The following CFAP251 variants were observed in gnomAD, a reference collection of about 807,000 sequenced individuals.
The protein encoded by CFAP251 is cilia and flagella associated protein 251.
Under a neutral mutation model 126.7 loss-of-function variants are expected in CFAP251, and 93 were observed. The ratio of observed to expected loss-of-function variants is 0.73; its 90% CI spans 0.62 to 0.87. The LOEUF (loss-of-function observed/expected upper bound fraction) is 0.87, where lower values mean the gene tolerates loss of function less well. Among genes scored for constraint, CFAP251 ranks in the 40% least tolerant of loss-of-function variants. The probability of loss-of-function intolerance (pLI) is 0.00; values close to 1 mark genes in which losing one functional copy is unlikely to be tolerated. For missense variants in CFAP251, 1,287 were observed against 1,389.2 expected (o/e 0.93, Z 1.17); for synonymous variants, 503 against 506.9 (o/e 0.99, Z 0.10).
At chr12:121,948,357 G>C (rs1592977843) in intron 7 of CFAP251, 4 of 152,238 alleles carry the variant, frequency 2.6e-5, no homozygotes, top group African/African-American at 9.6e-5. Flanking sequence ...GGTGAATACT[G>C]GTTTACTTTT....
intron 1 of CFAP251, among the ~76,000 whole-genome samples, chr12:121,920,222 CTTTTTT>C (rs1161902952): frequency 1.7e-5 from 1 of 57,910 alleles, no homozygotes. Flanking sequence ...ACAAATGTGA[CTTTTTT>C]TTTTTTTTTT....
intron 15 of CFAP251, among the ~76,000 whole-genome samples, chr12:121,966,506 C>G (rs1170717196): frequency 4.7e-5 from 6 of 127,454 alleles, no homozygotes; most frequent in African/African-American, 1.8e-4. Flanking sequence ...CTCCTGACCT[C>G]AGTTGATCCA....
rs376792227 is a variant in CFAP251, at chr12:121,957,164, C to T, written c.1626C>T (p.Gly542=). ...ACTGGTACAGTCACTTGAAACTGGG[C>T]GCCATAAGAACTCTGTCCTTTTCAA... The part of the protein sequence containing the change: ...IVNWYSHLKL[G]AIRTLSFSKT... The change falls in exon 11 of 22, where the codon GGC becomes GGT. Residue 542 remains glycine (G), a synonymous_variant. Transcript: ENST00000288912. The T allele has an allele frequency of 7.4e-5, 120 of 1,613,910 alleles. No homozygotes were observed. Among genetic ancestry groups the T allele is most frequent in the Non-Finnish European group, 9.2e-5 (109 of 1,179,982 alleles).
At chr12:121,992,979 C>G (rs1410774280) in intron 19 of CFAP251, among the ~76,000 whole-genome samples, 3 of 143,736 alleles carry the variant, frequency 2.1e-5, no homozygotes, top group Admixed American at 6.9e-5. Flanking sequence ...CTCTCCCTCT[C>G]CGTCTCCCTC....
chr12:121,971,878 T>TC (rs1235303778), intron 17 of CFAP251: 5 of 426,934 alleles, frequency 1.2e-5, no homozygotes, highest in African/African-American at 6.1e-5. Context: ...GGGGGTGGTT[T>TC]CCCCCATGTT....
rs1010523687 is a variant in CFAP251 at position 121,918,921 on chromosome 12, G to A, written c.-21+226G>A. On this transcript the variant is annotated intron_variant, in intron 1 of 21. Coordinates refer to ENST00000288912, the MANE Select transcript of CFAP251 (RefSeq NM_144668.6). This position sits in a 1 kb window ranked among gnomAD's most constrained non-coding sequence, Gnocchi z 4.3. ...CCCCTGCCCCAAACCCCTGCGGCTC[G>A]AACCCGGCTGTCCAGACGCGCCGGC... 2.0e-5 allele frequency among the ~76,000 whole-genome samples: 3 copies of A among 152,036 alleles called. No individual in the cohort carries two copies. Among genetic ancestry groups the A allele is most frequent in the Non-Finnish European group, 4.4e-5 (3 of 67,964 alleles).
At position 121,958,462 on chromosome 12, in the gene CFAP251, C is replaced by A. The variant is rs762945575; in HGVS notation, c.1921C>A (p.Leu641Ile). ...GTGGAATTATGAAAACAAACAATATCTTTTCAGCAGGGTTTTTGAGAAGGG... is the reference window on the plus strand; with the variant it reads ...GTGGAATTATGAAAACAAACAATATATTTTCAGCAGGGTTTTTGAGAAGGG... ...KVWNYENKQY[L>I]FSRVFEKGLG... is the part of the protein sequence containing the mutation. The change falls in exon 12 of 22, where the codon CTT (leucine) becomes ATT (isoleucine). Residue 641 changes from leucine to isoleucine, a missense_variant. Coordinates refer to ENST00000288912, the MANE Select transcript of CFAP251 (RefSeq NM_144668.6). 1.9e-6 allele frequency: 3 copies of A among 1,614,232 alleles called. No homozygotes were observed. The East Asian group carries it at 6.7e-5, about 36-fold the overall frequency.
intron 5 of CFAP251, among the ~76,000 whole-genome samples, chr12:121,941,990 C>G (rs1881136492): frequency 6.6e-6 from 1 of 152,190 alleles, no homozygotes; most frequent in Non-Finnish European, 1.5e-5. Context: ...CAGGCACAAC[C>G]TGGCACAGAA....
intron 17 of CFAP251, chr12:121,969,335 G>C (rs1232436217): frequency 1.0e-6 from 1 of 985,386 alleles, no homozygotes; most frequent in African/African-American, 1.7e-5. Flanking sequence ...GCAGATCTTG[G>C]GAACTTGAGG....
intron 3 of CFAP251, 38 bp from the exon 4 acceptor site, chr12:121,931,708 C>A (rs368241268): frequency 1.3e-6 from 2 of 1,492,722 alleles, no homozygotes; most frequent in East Asian, 2.5e-5. Flanking sequence ...GGGCTGAACA[C>A]GCTGTAATGT....
intron 5 of CFAP251, among the ~76,000 whole-genome samples, chr12:121,942,203 A>G (rs1178915816): frequency 6.6e-6 from 1 of 152,038 alleles, no homozygotes; most frequent in East Asian, 1.9e-4. Flanking sequence ...TCCAGTTCCA[A>G]AACATTTTCA....
Position 121,954,266 on chromosome 12 carries a change from C to T in CFAP251, c.1467C>T (p.Pro489=), listed in dbSNP as rs768846689. The change falls in exon 10 of 22, where the codon CCC becomes CCT. Residue 489 remains proline (P), a synonymous_variant. Transcript: ENST00000288912. ...CTGCCTCCACCTTTTTGGGCTTTCCCTATATCAAGCCTTGTAAATTGGTTC... is the reference window on the plus strand; with the variant it reads ...CTGCCTCCACCTTTTTGGGCTTTCCTTATATCAAGCCTTGTAAATTGGTTC... ...PSSASTFLGF[P]YIKPCKLVHL... 4.9e-5 allele frequency: 79 copies of T among 1,614,008 alleles called. 3 individuals are homozygous for T. In the South Asian group the frequency reaches 8.6e-4, roughly 17 times the overall value.
At chr12:121,963,461 G>C (rs1882015968) in intron 15 of CFAP251, among the ~76,000 whole-genome samples, 2 of 151,668 alleles carry the variant, frequency 1.3e-5, no homozygotes, top group South Asian at 4.2e-4. Flanking sequence ...GGCTGGGCTG[G>C]AGTCAGGAAC....
At chr12:121,999,688 C>CTT (rs747144792) in intron 19 of CFAP251, 28 bp from the exon 20 acceptor site, 9 of 1,375,156 alleles carry the variant, frequency 6.5e-6, no homozygotes, top group South Asian at 2.7e-5. Flanking sequence ...TTACTGTGGT[C>CTT]TTTTTTTTTT....
chr12:121,929,310 A>C (rs1284035062), intron 3 of CFAP251, among the ~76,000 whole-genome samples: 3 of 145,790 alleles, frequency 2.1e-5, no homozygotes, highest in Non-Finnish European at 4.5e-5. Flanking sequence ...ACAGAGCGAG[A>C]CTCCATCTCA....
chr12:121,975,865 C>T (rs1263574355), intron 19 of CFAP251, among the ~76,000 whole-genome samples, 180 bp downstream of exon 19: 1 of 152,116 alleles, frequency 6.6e-6, no homozygotes, highest in African/African-American at 2.4e-5. Context: ...TAGAGATATG[C>T]TGTTTCTGAA....
At chr12:121,977,828 G>T (rs1053843072) in intron 19 of CFAP251, among the ~76,000 whole-genome samples, 7 of 150,348 alleles carry the variant, frequency 4.7e-5, no homozygotes, top group Non-Finnish European at 1.0e-4. Flanking sequence ...GCGTGGTGGT[G>T]GGCGCCTGTA....
intron 11 of CFAP251, among the ~76,000 whole-genome samples, 172 bp downstream of exon 11, chr12:121,957,440 C>A (rs1371322671): frequency 6.6e-6 from 1 of 151,840 alleles, no homozygotes; most frequent in Non-Finnish European, 1.5e-5. Context: ...CGTGGTGGCT[C>A]ACGCCTGTAA....
intron 9 of CFAP251, chr12:121,953,346 C>T (rs1398971827): frequency 4.6e-5 from 7 of 152,222 alleles, no homozygotes; most frequent in Non-Finnish European, 1.0e-4. Context: ...GCCCTGCCTG[C>T]CCTCAACTGG....
Sources: allele counts gnomAD v4.1 joint callset (sites outside exome capture counted in the v4.1 genomes callset), GRCh38; gene constraint gnomAD v4.1.1; non-coding constraint Gnocchi (gnomAD v3.1); transcripts MANE v1.5; gene names NCBI Gene and HGNC (gene_info 2026-07-23, HGNC 2026-07-21).